The following RBFOX1 variants were observed in gnomAD, a reference collection of about 807,000 sequenced individuals.
RBFOX1 encodes the protein RNA binding fox-1 homolog 1.
In RBFOX1, 8 loss-of-function variants were observed where a neutral mutation model predicts 57.7. The ratio of observed to expected loss-of-function variants is 0.14; its 90% CI spans 0.08 to 0.25. RBFOX1 has a LOEUF of 0.25. RBFOX1 is among the 10% of genes least tolerant of loss of function. RBFOX1 has a pLI of 1.00. For missense variants in RBFOX1, 611 were observed against 548.5 expected, an observed-to-expected ratio of 1.11 and a Z score of -1.14; for synonymous variants, 326 against 222.4, an observed-to-expected ratio of 1.47 and a Z score of -4.15.
intron 4 of RBFOX1, among the ~76,000 whole-genome samples, chr16:7,315,573 G>A (rs1207310081): frequency 6.6e-6 from 1 of 151,406 alleles, no homozygotes; most frequent in Non-Finnish European, 1.5e-5. Context: ...ATGCTTGTCA[G>A]TAATGATGAA....
intron 4 of RBFOX1, among the ~76,000 whole-genome samples, chr16:7,455,136 G>C (rs1367760718): frequency 6.6e-6 from 1 of 152,168 alleles, no homozygotes; most frequent in Non-Finnish European, 1.5e-5. Flanking sequence ...ATTGCATCTG[G>C]AATGAATATT....
chr16:7,639,579 G>A (rs540857679), intron 11 of RBFOX1, among the ~76,000 whole-genome samples: 1 of 152,078 alleles, frequency 6.6e-6, no homozygotes, highest in Admixed American at 6.6e-5. Flanking sequence ...CTATATTCTT[G>A]GGGGGACACA....
chr16:6,626,631 G>T (rs186181472), intron 2 of RBFOX1, among the ~76,000 whole-genome samples: 3 of 152,130 alleles, frequency 2.0e-5, no homozygotes, highest in Admixed American at 2.0e-4. Context: ...ATGGTGGTGC[G>T]CACCTGTAAT....
intron 8 of RBFOX1, among the ~76,000 whole-genome samples, chr16:7,596,294 T>C (rs1045453184): frequency 1.7e-4 from 25 of 151,472 alleles, no homozygotes; most frequent in African/African-American, 6.1e-4. Context: ...AATACCAAAA[T>C]ACTGACATTC....
chr16:6,197,072 C>T (rs2097184287), intron 1 of RBFOX1, among the ~76,000 whole-genome samples: 1 of 152,076 alleles, frequency 6.6e-6, no homozygotes. Flanking sequence ...AAAATGTCCA[C>T]CTAGCCAGTG....
chr16:5,753,701 G>T (rs2151625965), intron 3 of RBFOX1, among the ~76,000 whole-genome samples: 1 of 152,196 alleles, frequency 6.6e-6, no homozygotes, highest in East Asian at 1.9e-4. Context: ...ATAAACCAGT[G>T]TTTTTCTGTC....
intron 4 of RBFOX1, among the ~76,000 whole-genome samples, chr16:7,459,225 A>G (rs1337178987): frequency 1.3e-5 from 2 of 152,188 alleles, no homozygotes; most frequent in African/African-American, 2.4e-5. Flanking sequence ...TTTTAACATC[A>G]GTAGTAATCT....
chr16:5,716,999 A>C (rs1301898656), intron 3 of RBFOX1, among the ~76,000 whole-genome samples: 2 of 151,978 alleles, frequency 1.3e-5, no homozygotes, highest in African/African-American at 4.8e-5. Context: ...TGGCATAGGG[A>C]GCTGTATTAG....
chr16:6,241,717 C>G (rs1297996997), intron 1 of RBFOX1, among the ~76,000 whole-genome samples: 1 of 152,140 alleles, frequency 6.6e-6, no homozygotes, highest in African/African-American at 2.4e-5. Flanking sequence ...ACAATCAACA[C>G]CAATCAAGGA....
intron 4 of RBFOX1, among the ~76,000 whole-genome samples, chr16:5,955,406 T>TTAA (rs1292108372): frequency 3.2e-5 from 2 of 62,512 alleles, no homozygotes; most frequent in African/African-American, 1.5e-4. Flanking sequence ...TAAAATAAAA[T>TTAA]AAAATAAAAG....
chr16:5,480,906 A>T (rs1468983839), intron 2 of RBFOX1, among the ~76,000 whole-genome samples: 2 of 152,172 alleles, frequency 1.3e-5, no homozygotes, highest in African/African-American at 4.8e-5. Context: ...TTATTGCCAC[A>T]TATATTTTCA....
intron 1 of RBFOX1, among the ~76,000 whole-genome samples, chr16:6,281,307 T>G (rs1247207248): frequency 6.6e-5 from 10 of 152,120 alleles, no homozygotes; most frequent in Admixed American, 6.5e-4. Flanking sequence ...GATCCCATTT[T>G]TCAGAGGAGG....
At position 6,470,180 on chromosome 16, in the gene RBFOX1, G is replaced by T. The variant is rs531488243; in HGVS notation, c.-64+153123G>T. ...TAGTTGAAATTCCTGCATCCAGGTA[G>T]GGCTGGCTGTTTGTCTTAGAGAATA... On this transcript the variant is annotated intron_variant, in intron 2 of 15. Coordinates refer to ENST00000550418, the MANE Select transcript of RBFOX1 (RefSeq NM_018723.4). Among the ~76,000 whole-genome samples, 29 of 152,274 alleles carry T rather than the reference G, an allele frequency of 1.9e-4. No individual in the cohort carries two copies. In the East Asian group the frequency reaches 4.6e-3, roughly 24 times the overall value.
intron 4 of RBFOX1, among the ~76,000 whole-genome samples, chr16:7,229,226 C>G (rs1335698314): frequency 6.6e-6 from 1 of 152,174 alleles, no homozygotes; most frequent in African/African-American, 2.4e-5. Flanking sequence ...CCCAGTGATG[C>G]ATTGCAATCT....
intron 3 of RBFOX1, among the ~76,000 whole-genome samples, chr16:6,745,529 A>G (rs924508552): frequency 9.2e-5 from 14 of 152,228 alleles, no homozygotes; most frequent in African/African-American, 3.4e-4. Flanking sequence ...ACACCATATT[A>G]ACAACAAAAT....
chr16:6,482,547 C>T (rs1271533684), intron 2 of RBFOX1, among the ~76,000 whole-genome samples: 1 of 152,162 alleles, frequency 6.6e-6, no homozygotes, highest in East Asian at 1.9e-4. Flanking sequence ...ATTCAAGGTA[C>T]ACATATTTAA....
intron 3 of RBFOX1, among the ~76,000 whole-genome samples, chr16:6,739,203 A>G (rs772634508): frequency 5.9e-5 from 9 of 151,984 alleles, no homozygotes; most frequent in Non-Finnish European, 1.3e-4. Flanking sequence ...CTTTAAAAAT[A>G]TAGAAGAAAA....
chr16:7,050,004 C>T (rs1442948791), intron 3 of RBFOX1, among the ~76,000 whole-genome samples: 1 of 152,198 alleles, frequency 6.6e-6, no homozygotes, highest in Non-Finnish European at 1.5e-5. Flanking sequence ...TAAGCAGTCA[C>T]TCCTCCTTTT....
intron 2 of RBFOX1, among the ~76,000 whole-genome samples, chr16:5,585,386 T>C (rs573899918): frequency 2.4e-4 from 36 of 152,338 alleles, no homozygotes; most frequent in African/African-American, 7.0e-4. Context: ...GGCTGAGCCA[T>C]GTTTTATTGA....
Sources: allele counts gnomAD v4.1 joint callset (sites outside exome capture counted in the v4.1 genomes callset), GRCh38; gene constraint gnomAD v4.1.1; transcripts MANE v1.5; gene names NCBI Gene and HGNC (gene_info 2026-07-23, HGNC 2026-07-21).